Variants in TMEM204 observed in about 807,000 individuals in gnomAD.
The protein encoded by TMEM204 is transmembrane protein 204.
In TMEM204, 15 loss-of-function variants were observed where a neutral mutation model predicts 19.4. That is an observed-to-expected ratio of 0.77 (90% CI 0.52 to 1.19). TMEM204 has a LOEUF of 1.19. TMEM204 is among the 50% of genes most tolerant of loss of function. The pLI is 0.00. For synonymous variants in TMEM204, 161 were observed against 146.0 expected (o/e 1.10, Z -0.74); for missense variants, 287 against 321.2 (o/e 0.89, Z 0.81).
rs543338352 is a variant in TMEM204, at chr16:1,533,975, C to G, written c.-301C>G. 4.5e-6 allele frequency: 2 copies of G among 447,664 alleles called. No homozygotes were observed. The highest frequency in any genetic ancestry group is 4.2e-5 in the African/African-American group (2 of 47,730). 27.7% of individuals were successfully genotyped at this position (447,664 alleles called of 1,614,324 possible). A position where few individuals can be genotyped will look rare whatever the true frequency, so the allele number is the denominator to read the frequency against. On this transcript the variant is annotated 5_prime_UTR_variant, in exon 1 of 3. Coordinates refer to ENST00000566264, the MANE Select transcript of TMEM204 (RefSeq NM_024600.6). The surrounding 1 kb of genome is among the most constrained non-coding windows in gnomAD (Gnocchi z 4.7). The stretch of plus-strand genomic sequence containing the variant: ...GCGGCACAGGCCGGCCTCCGCTTCC[C>G]GGGAAGACGGCGCACTCCTGGCCCT...
rs1402381043 is a variant in TMEM204, at chr16:1,553,437, C to A, written c.437-1345C>A. 3.0e-6 allele frequency: 3 copies of A among 985,284 alleles called. No homozygotes were observed. The highest frequency in any genetic ancestry group is 1.2e-4 in the Admixed American group (2 of 16,264). The allele number at this position is 985,284 out of a possible 1,614,324, so 61.0% of individuals were successfully genotyped here. A position where few individuals can be genotyped will look rare whatever the true frequency, so the allele number is the denominator to read the frequency against. ...AGGCGGTTGGGAGTGGAGAGACCGG[C>A]ATGAACAGACGCACAGGTGTCAACA... On this transcript the variant is annotated intron_variant, in intron 2 of 2. Transcript: ENST00000566264. This position sits in a 1 kb window ranked among gnomAD's most constrained non-coding sequence, Gnocchi z 4.4.
At chr16:1,531,712 G>A (rs1421746945), upstream of TMEM204, 2 of 152,352 alleles carry the variant, frequency 1.3e-5, no homozygotes, top group African/African-American at 2.4e-5. The surrounding 1 kb of genome is among the most constrained non-coding windows in gnomAD (Gnocchi z 4.7). Context: ...GGTTAGAAGC[G>A]GCGTGACAGC....
At chr16:1,552,125 TGA>T (rs2032698548) in intron 2 of TMEM204, among the ~76,000 whole-genome samples, 1 of 152,058 alleles carries the variant, frequency 6.6e-6, no homozygotes, top group African/African-American at 2.4e-5. Context: ...AGAGGCCCCC[TGA>T]GATTTTAAAC....
rs2030829422 is a variant in TMEM204 at position 1,534,324 on chromosome 16, T to G, written c.49T>G (p.Ser17Ala). 6.2e-7 allele frequency: 1 copy of G among 1,612,672 alleles called. No individual in the cohort carries two copies. Among genetic ancestry groups the G allele is most frequent in the African/African-American group, 1.3e-5 (1 of 74,932 alleles). The change falls in exon 1 of 3, where the codon TCA becomes GCA. Residue 17 changes from serine (S) to alanine (A), a missense_variant. By Grantham distance (99) the Ser-to-Ala change is moderately conservative. Coordinates refer to ENST00000566264, the MANE Select transcript of TMEM204 (RefSeq NM_024600.6). ...CGCGGCCGTGCTGGTGGCCCTGGTC[T>G]CACTCATCCTCAACAACGTGGCGGC... ...VAAAVLVALV[S>A]LILNNVAAFT...
In TMEM204 at chr16:1,555,166, C is replaced by A; in HGVS notation, c.*140C>A. ...CTGGGTGACCTCTGCGCCATGCGTG[C>A]GAGACACGTGTGCGTTTACTGTTAT... On this transcript the variant is annotated 3_prime_UTR_variant, in exon 3 of 3. Coordinates refer to ENST00000566264, the MANE Select transcript of TMEM204 (RefSeq NM_024600.6). 9.6e-7 allele frequency: 1 copy of A among 1,039,022 alleles called. No homozygotes were observed. Among genetic ancestry groups the A allele is most frequent in the Non-Finnish European group, 1.4e-6 (1 of 735,182 alleles). 64.4% of individuals were successfully genotyped at this position (1,039,022 alleles called of 1,614,324 possible). A position where few individuals can be genotyped will look rare whatever the true frequency, so the allele number is the denominator to read the frequency against.
chr16:1,544,648 T>C (rs1052686491), intron 2 of TMEM204, among the ~76,000 whole-genome samples: 2 of 151,424 alleles, frequency 1.3e-5, no homozygotes, highest in African/African-American at 4.9e-5. Flanking sequence ...GCATTTCTTT[T>C]TCTTTTTTTT....
Position 1,555,210 on chromosome 16 carries a change from C to T in TMEM204, c.*184C>T, listed in dbSNP as rs1032562755. 1.4e-5 allele frequency: 11 copies of T among 775,884 alleles called. No individual in the cohort carries two copies. The highest frequency in any genetic ancestry group is 7.6e-5 in the South Asian group (4 of 52,346). 48.1% of individuals were successfully genotyped at this position (775,884 alleles called of 1,614,324 possible). A position where few individuals can be genotyped will look rare whatever the true frequency, so the allele number is the denominator to read the frequency against. On this transcript the variant is annotated 3_prime_UTR_variant, in exon 3 of 3. Transcript: ENST00000566264. ...CTGTTATGTCGGTCATATGTCTGTACGTGTCGTGGGCCAACCTCGTTCTGC... is the reference window on the plus strand; with the variant it reads ...CTGTTATGTCGGTCATATGTCTGTATGTGTCGTGGGCCAACCTCGTTCTGC...
In TMEM204 at chr16:1,555,075, G is replaced by A. The variant is rs984024586; in HGVS notation, c.*49G>A. ...AACGCACACCTGCTATCGTGGAACA[G>A]CCTAGAAACCAAGGGACTCCACCAC... On this transcript the variant is annotated 3_prime_UTR_variant, in exon 3 of 3. Transcript: ENST00000566264. The A allele has an allele frequency of 6.4e-7, 1 of 1,562,116 alleles. No individual in the cohort carries two copies.
upstream of TMEM204, chr16:1,531,770 GGCCGA>G: frequency 6.6e-6 from 1 of 152,384 alleles, no homozygotes; most frequent in South Asian, 2.1e-4. This position sits in a 1 kb window ranked among gnomAD's most constrained non-coding sequence, Gnocchi z 4.7. Flanking sequence ...GGAGAGTGGA[GGCCGA>G]TGCTGGCCTC....
chr16:1,543,358 G>T (rs1469911404), intron 2 of TMEM204, among the ~76,000 whole-genome samples: 1 of 152,268 alleles, frequency 6.6e-6, no homozygotes, highest in Non-Finnish European at 1.5e-5. Context: ...AGACTGTGGG[G>T]GCAGGTATTC....
intron 2 of TMEM204, among the ~76,000 whole-genome samples, chr16:1,546,990 C>G (rs1259446752): frequency 6.6e-6 from 1 of 152,240 alleles, no homozygotes; most frequent in Non-Finnish European, 1.5e-5. Flanking sequence ...ATGACACTCT[C>G]TGCATCCGTG....
intron 2 of TMEM204, among the ~76,000 whole-genome samples, chr16:1,547,554 C>T (rs756784936): frequency 1.8e-4 from 28 of 151,954 alleles, no homozygotes; most frequent in Non-Finnish European, 2.4e-4. Flanking sequence ...TTTATTTATT[C>T]GAGATAGGGT....
upstream of TMEM204, chr16:1,531,769 A>G (rs2745183): frequency 0.22 from 32,791 of 152,230 alleles, 4,602 homozygotes; most frequent in African/African-American, 0.39. The surrounding 1 kb of genome is among the most constrained non-coding windows in gnomAD (Gnocchi z 4.7). Flanking sequence ...AGGAGAGTGG[A>G]GGCCGATGCT....
chr16:1,539,855 G>A (rs2031461113), intron 1 of TMEM204, among the ~76,000 whole-genome samples: 1 of 152,214 alleles, frequency 6.6e-6, no homozygotes, highest in South Asian at 2.1e-4. Context: ...CTCCTCAGCA[G>A]CCCGGGGACC....
intron 2 of TMEM204, among the ~76,000 whole-genome samples, chr16:1,543,324 T>C (rs1029918727): frequency 6.6e-6 from 1 of 152,222 alleles, no homozygotes; most frequent in East Asian, 1.9e-4. Context: ...TCTTAAGAAA[T>C]ACAATTTCCA....
Position 1,555,450 on chromosome 16 carries a change from A to G in TMEM204, c.*424A>G, listed in dbSNP as rs1219877875. On this transcript the variant is annotated 3_prime_UTR_variant, in exon 3 of 3. Transcript: ENST00000566264. The stretch of plus-strand genomic sequence containing the variant: ...CCAGGAAAATTTTCTTAAAATATCC[A>G]CAATATTCCTTGAGTGAGTCAGAAT... The G allele has an allele frequency of 1.1e-5, 2 of 185,224 alleles. No individual in the cohort carries two copies. Among genetic ancestry groups the G allele is most frequent in the Non-Finnish European group, 2.3e-5 (2 of 88,512 alleles). 11.5% of individuals were successfully genotyped at this position (185,224 alleles called of 1,614,324 possible). A position where few individuals can be genotyped will look rare whatever the true frequency, so the allele number is the denominator to read the frequency against.
rs1194244300 is a variant in TMEM204, at chr16:1,534,192, CT to C, written c.-83del. 6.4e-7 allele frequency: 1 copy of C among 1,561,858 alleles called. No homozygotes were observed. On this transcript the variant is annotated 5_prime_UTR_variant, in exon 1 of 3. The change abolishes the stop of an existing upstream ORF in the 5' untranslated region. Transcript: ENST00000566264. ...GAGTGGTGATGTCCTCTAGCCACCC[CT>C]AGCAGCGTCGGCTCTCCCTGGACGT... is the stretch of plus-strand genomic sequence containing the variant.
rs1032655969 is a variant in TMEM204 at position 1,541,154 on chromosome 16, C to T, written c.281-767C>T. ...ATGTGCCCTGCCCACCTGGCTCCTG[C>T]AACCAGGTGTAGGTGGGGGACAGAG... On this transcript the variant is annotated intron_variant, in intron 1 of 2. Coordinates refer to ENST00000566264, the MANE Select transcript of TMEM204 (RefSeq NM_024600.6). 3 of 985,318 alleles carry T rather than the reference C, an allele frequency of 3.0e-6. No individual in the cohort carries two copies. In the African/African-American group the frequency reaches 5.2e-5, roughly 17 times the overall value. The allele number at this position is 985,318 out of a possible 1,614,324, so 61.0% of individuals were successfully genotyped here. A position where few individuals can be genotyped will look rare whatever the true frequency, so the allele number is the denominator to read the frequency against.
upstream of TMEM204, chr16:1,533,121 C>T (rs1483475047): frequency 6.6e-6 from 1 of 152,522 alleles, no homozygotes; most frequent in African/African-American, 2.4e-5. This position sits in a 1 kb window ranked among gnomAD's most constrained non-coding sequence, Gnocchi z 4.7. Flanking sequence ...CCTCCAAGTA[C>T]AGGTCCCTGG....
Sources: gnomAD v4.1 joint callset for allele counts (sites outside exome capture counted in the v4.1 genomes callset) on GRCh38, gnomAD v4.1.1 for gene constraint, Gnocchi (gnomAD v3.1) non-coding constraint, MANE v1.5 for transcripts, NCBI Gene and HGNC (gene_info 2026-07-23, HGNC 2026-07-21) for gene names.